The following PACSIN2 variants were observed in gnomAD, a reference collection of about 807,000 sequenced individuals.
PACSIN2 encodes the protein protein kinase C and casein kinase substrate in neurons protein 2.
Under a neutral mutation model 63.8 loss-of-function variants are expected in PACSIN2, and 25 were observed. The ratio of observed to expected loss-of-function variants is 0.39; its 90% CI spans 0.29 to 0.55. The LOEUF is 0.55. Among genes scored for constraint, PACSIN2 ranks in the 20% least tolerant of loss-of-function variants. The pLI is 0.62. For missense variants in PACSIN2, 518 were observed against 646.9 expected (o/e 0.80, Z 2.16); for synonymous variants, 255 against 256.2 (o/e 1.00, Z 0.05).
intron 5 of PACSIN2, 116 bp downstream of exon 5, chr22:42,888,526 TG>T: frequency 1.0e-6 from 1 of 1,000,034 alleles, no homozygotes. Context: ...TGTGTTTTAT[TG>T]GTTATTTATC....
chr22:42,930,057 G>C (rs547294942), intron 1 of PACSIN2, among the ~76,000 whole-genome samples: 31 of 152,260 alleles, frequency 2.0e-4, no homozygotes, highest in Admixed American at 7.8e-4. Context: ...CCCAATCCTA[G>C]CACAAAGTTC....
chr22:42,924,733 G>A (rs1394593943), intron 1 of PACSIN2, among the ~76,000 whole-genome samples: 1 of 151,112 alleles, frequency 6.6e-6, no homozygotes, highest in African/African-American at 2.4e-5. Flanking sequence ...GCCTGTATCA[G>A]CCCCCACCCC....
intron 1 of PACSIN2, among the ~76,000 whole-genome samples, chr22:43,001,136 C>T (rs1481928416): frequency 2.6e-5 from 4 of 152,222 alleles, no homozygotes; most frequent in African/African-American, 9.7e-5. Flanking sequence ...GCATGCCATG[C>T]CATGCCATAC....
chr22:42,890,775 G>A lies in PACSIN2; in HGVS notation c.453+172C>T, dbSNP rs145849018. The stretch of plus-strand genomic sequence containing the variant: ...AGAGCATTCAGCATCTTCAACCTGG[G>A]TAAATGTCAACTACCATGGGCTTCT... On this transcript the variant is annotated intron_variant, in intron 4 of 10. Coordinates refer to ENST00000263246, the MANE Select transcript of PACSIN2 (RefSeq NM_001184970.3). Among the ~76,000 whole-genome samples the A allele has an allele frequency of 1.7e-3, 252 of 152,292 alleles. 2 individuals carry two copies. The highest frequency in any genetic ancestry group is 5.8e-3 in the African/African-American group (242 of 41,560).
chr22:42,948,232 A>G (rs1933520234), intron 1 of PACSIN2, among the ~76,000 whole-genome samples: 1 of 152,148 alleles, frequency 6.6e-6, no homozygotes, highest in Non-Finnish European at 1.5e-5. Context: ...GAGGGGACTG[A>G]CAAATGGCAG....
intron 2 of PACSIN2, among the ~76,000 whole-genome samples, chr22:42,907,556 G>T (rs1226677092): frequency 6.6e-6 from 1 of 152,286 alleles, no homozygotes; most frequent in Non-Finnish European, 1.5e-5. Flanking sequence ...CAGTGCTCCT[G>T]CAAGGCTGAC....
chr22:42,886,726 G>T (rs1929516547), intron 5 of PACSIN2, among the ~76,000 whole-genome samples: 1 of 152,128 alleles, frequency 6.6e-6, no homozygotes, highest in Admixed American at 6.5e-5. Flanking sequence ...GGTGGGGAGG[G>T]ACTGGCCTCC....
intron 1 of PACSIN2, among the ~76,000 whole-genome samples, chr22:42,949,109 A>T (rs959998829): frequency 3.3e-5 from 5 of 152,218 alleles, no homozygotes; most frequent in African/African-American, 1.2e-4. Context: ...CCTGAGCAAC[A>T]AGGTGGGATC....
chr22:42,937,082 C>T (rs1206691002), intron 1 of PACSIN2, among the ~76,000 whole-genome samples: 4 of 152,192 alleles, frequency 2.6e-5, no homozygotes, highest in African/African-American at 4.8e-5. Flanking sequence ...AATCTAACAG[C>T]GGAGAGAACA....
At chr22:42,885,975 C>T (rs1037517527) in intron 5 of PACSIN2, among the ~76,000 whole-genome samples, 2 of 152,224 alleles carry the variant, frequency 1.3e-5, no homozygotes, top group African/African-American at 4.8e-5. Flanking sequence ...GCTCAGAAGC[C>T]CAAGACACAT....
At chr22:42,969,476 T>C (rs916251776) in intron 1 of PACSIN2, among the ~76,000 whole-genome samples, 1 of 152,240 alleles carries the variant, frequency 6.6e-6, no homozygotes, top group African/African-American at 2.4e-5. Context: ...TTTCTTCTTA[T>C]GGAGGCCTTG....
At chr22:43,006,709 G>A (rs1279874301) in intron 1 of PACSIN2, among the ~76,000 whole-genome samples, 1 of 152,160 alleles carries the variant, frequency 6.6e-6, no homozygotes, top group Non-Finnish European at 1.5e-5. Context: ...CAGCTACTTG[G>A]GAGGCTGAGG....
At chr22:42,937,885 G>T (rs1932979814) in intron 1 of PACSIN2, among the ~76,000 whole-genome samples, 1 of 152,222 alleles carries the variant, frequency 6.6e-6, no homozygotes, top group African/African-American at 2.4e-5. Flanking sequence ...GGCTCGAGCA[G>T]TCTGGACCCC....
chr22:42,969,282 A>G (rs771023490), intron 1 of PACSIN2, among the ~76,000 whole-genome samples: 4 of 152,244 alleles, frequency 2.6e-5, no homozygotes, highest in Non-Finnish European at 5.9e-5. Flanking sequence ...ACAAATGATC[A>G]TGACATTACA....
At chr22:42,905,572 C>T (rs1931018525) in intron 2 of PACSIN2, among the ~76,000 whole-genome samples, 1 of 152,210 alleles carries the variant, frequency 6.6e-6, no homozygotes, top group Non-Finnish European at 1.5e-5. Flanking sequence ...TGCGACGGTG[C>T]ACCCCAAATT....
At chr22:42,973,947 C>T (rs1345495599) in intron 1 of PACSIN2, among the ~76,000 whole-genome samples, 1 of 152,248 alleles carries the variant, frequency 6.6e-6, no homozygotes, top group African/African-American at 2.4e-5. Context: ...GAAGCGTAGC[C>T]TTAACTTGTA....
chr22:42,897,937 CAG>C (rs766225196), intron 2 of PACSIN2, among the ~76,000 whole-genome samples: 1 of 151,962 alleles, frequency 6.6e-6, no homozygotes, highest in Non-Finnish European at 1.5e-5. Flanking sequence ...ACACAGAACA[CAG>C]GGAGCAAATG....
chr22:42,911,490 G>A (rs2146720322), intron 2 of PACSIN2, among the ~76,000 whole-genome samples: 1 of 150,772 alleles, frequency 6.6e-6, no homozygotes, highest in Non-Finnish European at 1.5e-5. Flanking sequence ...AACACCCTCC[G>A]CCTCCACAAA....
intron 7 of PACSIN2, among the ~76,000 whole-genome samples, chr22:42,879,815 G>T (rs1031502743): frequency 1.3e-5 from 2 of 152,152 alleles, no homozygotes; most frequent in Admixed American, 6.5e-5. Context: ...TGACAGAAGG[G>T]GCAGGCAAGC....
Sources: allele counts gnomAD v4.1 joint callset (sites outside exome capture counted in the v4.1 genomes callset), GRCh38; gene constraint gnomAD v4.1.1; transcripts MANE v1.5; gene names NCBI Gene and HGNC (gene_info 2026-07-23, HGNC 2026-07-21).